The following MICU1 variants were observed in gnomAD, a reference collection of about 807,000 sequenced individuals.
MICU1 encodes calcium uptake protein 1, mitochondrial.
MICU1 carries 45 observed loss-of-function variants against 56.8 expected under a neutral mutation model. That is an observed-to-expected ratio of 0.79 (90% CI 0.62 to 1.02). The LOEUF (loss-of-function observed/expected upper bound fraction) is 1.02, where lower values mean the gene tolerates loss of function less well. MICU1 is among the 50% of genes least tolerant of loss of function. The pLI is 0.00. For missense variants in MICU1, 504 were observed against 587.1 expected, an observed-to-expected ratio of 0.86 and a Z score of 1.46; for synonymous variants, 186 against 195.1, an observed-to-expected ratio of 0.95 and a Z score of 0.39.
intron 8 of MICU1, among the ~76,000 whole-genome samples, chr10:72,455,787 A>G (rs1463630402): frequency 6.6e-6 from 1 of 152,218 alleles, no homozygotes; most frequent in Non-Finnish European, 1.5e-5. Flanking sequence ...GGTGCATAGC[A>G]TAATAGGGAC....
chr10:72,524,959 A>T (rs780212454), intron 5 of MICU1, among the ~76,000 whole-genome samples: 3 of 152,160 alleles, frequency 2.0e-5, no homozygotes, highest in Non-Finnish European at 4.4e-5. Context: ...ATGTCTCATT[A>T]CTGTTTCTAT....
chr10:72,435,329 G>A (rs942833452), intron 8 of MICU1, among the ~76,000 whole-genome samples: 8 of 149,450 alleles, frequency 5.4e-5, no homozygotes, highest in South Asian at 2.1e-4. Flanking sequence ...TCAAGGCTGC[G>A]GTGAGCTATG....
At position 72,470,177 on chromosome 10, in the gene MICU1, C is replaced by A. The variant is rs1171018870; in HGVS notation, c.933+4923G>T. The stretch of plus-strand genomic sequence containing the variant: ...AACTAACTAATCAAATATCACATAG[C>A]CAGTAAGTGGTGGGACCAAAATTTT... On this transcript the variant is annotated intron_variant, in intron 8 of 11. Transcript: ENST00000361114. Among the ~76,000 whole-genome samples the A allele has an allele frequency of 2.0e-5, 3 of 152,230 alleles. No individual in the cohort carries two copies. The East Asian group carries it at 5.8e-4, about 29-fold the overall frequency.
At chr10:72,380,906 G>A (rs1210267205) in intron 10 of MICU1, among the ~76,000 whole-genome samples, 2 of 152,152 alleles carry the variant, frequency 1.3e-5, no homozygotes, top group Admixed American at 6.6e-5. Flanking sequence ...TGAATAACTG[G>A]GAGTTGTGAG....
rs766256577 is a variant in MICU1 at position 72,368,178 on chromosome 10, C to G, written c.*17G>C. The G allele has an allele frequency of 5.6e-6, 9 of 1,603,078 alleles. No homozygotes were observed. In the African/African-American group the frequency reaches 1.2e-4, roughly 21 times the overall value. On this transcript the variant is annotated 3_prime_UTR_variant, in exon 12 of 12. Transcript: ENST00000361114. ...CAGGGTACTGGGGGTGGAGGGGTCC[C>G]CTCTTGCAGTGTGGGGTTACTGTTT... is the stretch of plus-strand genomic sequence containing the variant.
intron 4 of MICU1, among the ~76,000 whole-genome samples, chr10:72,549,900 A>C (rs2132441144): frequency 7.5e-6 from 1 of 132,882 alleles, no homozygotes; most frequent in East Asian, 2.1e-4. Context: ...ATTGTATTCC[A>C]GCCTGGGTGA....
chr10:72,415,386 C>G (rs1057115867), intron 9 of MICU1, among the ~76,000 whole-genome samples: 1 of 151,996 alleles, frequency 6.6e-6, no homozygotes, highest in African/African-American at 2.4e-5. Context: ...CTTTCTGAAC[C>G]CTGTGCTACA....
intron 5 of MICU1, among the ~76,000 whole-genome samples, chr10:72,524,442 T>A (rs1290048568): frequency 1.3e-5 from 2 of 152,162 alleles, no homozygotes; most frequent in Non-Finnish European, 2.9e-5. Flanking sequence ...TAATTAAGTA[T>A]CTCTTATGCT....
chr10:72,552,306 T>A (rs540119081), intron 3 of MICU1, among the ~76,000 whole-genome samples: 1 of 152,170 alleles, frequency 6.6e-6, no homozygotes, highest in Non-Finnish European at 1.5e-5. Flanking sequence ...CATTCCCTTA[T>A]CTGGTATACA....
At chr10:72,625,703 A>T (rs968930804) in intron 1 of MICU1, among the ~76,000 whole-genome samples, 8 of 152,098 alleles carry the variant, frequency 5.3e-5, no homozygotes, top group African/African-American at 1.7e-4. Context: ...GCCTGTGAGG[A>T]GGGGGGCGTC....
chr10:72,480,198 T>C (rs577096903), intron 6 of MICU1, among the ~76,000 whole-genome samples: 3 of 152,348 alleles, frequency 2.0e-5, no homozygotes, highest in East Asian at 1.9e-4. Flanking sequence ...GCAGAAATTA[T>C]AGAACTTAAT....
chr10:72,504,360 A>C (rs898946150), intron 6 of MICU1, among the ~76,000 whole-genome samples: 11 of 152,306 alleles, frequency 7.2e-5, no homozygotes, highest in African/African-American at 2.6e-4. Flanking sequence ...TAAGCTGACA[A>C]AAATAAACAA....
intron 9 of MICU1, among the ~76,000 whole-genome samples, chr10:72,414,856 T>C (rs779435103): frequency 1.3e-5 from 2 of 152,278 alleles, no homozygotes; most frequent in African/African-American, 2.4e-5. Context: ...TCCCTCTTCC[T>C]GCCTTTTAAT....
chr10:72,409,372 G>A (rs1028018931), intron 9 of MICU1, among the ~76,000 whole-genome samples: 1 of 152,162 alleles, frequency 6.6e-6, no homozygotes, highest in African/African-American at 2.4e-5. Context: ...TCAATTGTAT[G>A]TTTCTCACCT....
intron 4 of MICU1, among the ~76,000 whole-genome samples, chr10:72,539,774 T>C (rs1839723723): frequency 6.6e-6 from 1 of 152,058 alleles, no homozygotes; most frequent in Admixed American, 6.6e-5. Context: ...AAAGAGACAA[T>C]AATTTACTTT....
chr10:72,549,180 T>C (rs1024085318), intron 4 of MICU1, among the ~76,000 whole-genome samples: 2 of 151,514 alleles, frequency 1.3e-5, no homozygotes, highest in African/African-American at 4.8e-5. Flanking sequence ...TTCATGTGTC[T>C]GTTTTTTTTG....
chr10:72,535,190 T>C (rs1183725391), intron 4 of MICU1, among the ~76,000 whole-genome samples: 1 of 151,342 alleles, frequency 6.6e-6, no homozygotes, highest in Non-Finnish European at 1.5e-5. Context: ...CCACGATACC[T>C]GTCTGATTTT....
At chr10:72,556,509 T>C (rs983065769) in intron 3 of MICU1, among the ~76,000 whole-genome samples, 2 of 151,756 alleles carry the variant, frequency 1.3e-5, no homozygotes, top group African/African-American at 2.4e-5. Flanking sequence ...CCCAGCTAAT[T>C]TTGTATTTTT....
At chr10:72,508,805 C>T (rs948804332) in intron 5 of MICU1, among the ~76,000 whole-genome samples, 1 of 152,122 alleles carries the variant, frequency 6.6e-6, no homozygotes, top group Non-Finnish European at 1.5e-5. Context: ...AGAATACAGA[C>T]CAGTATGCAG....
Sources: allele counts gnomAD v4.1 joint callset (sites outside exome capture counted in the v4.1 genomes callset), GRCh38; gene constraint gnomAD v4.1.1; transcripts MANE v1.5; gene names NCBI Gene and HGNC (gene_info 2026-07-23, HGNC 2026-07-21).